Variants in ABCB9 observed in about 807,000 individuals in gnomAD.
ABCB9 encodes ABC-type oligopeptide transporter ABCB9.
Under a neutral mutation model 62.0 loss-of-function variants are expected in ABCB9, and 36 were observed. The observed-to-expected ratio is 0.58, with a 90% CI of 0.45 to 0.77. The LOEUF (loss-of-function observed/expected upper bound fraction) is 0.77, where lower values mean the gene tolerates loss of function less well. Among genes scored for constraint, ABCB9 ranks in the 30% least tolerant of loss-of-function variants. The probability of loss-of-function intolerance (pLI) is 0.00; values close to 1 mark genes in which losing one functional copy is unlikely to be tolerated. For synonymous variants in ABCB9, 435 were observed against 461.4 expected (o/e 0.94, Z 0.73); for missense variants, 943 against 1,054.7 (o/e 0.89, Z 1.47).
At chr12:122,950,904 G>T (rs759890368) in intron 2 of ABCB9, 28 of 229,918 alleles carry the variant, frequency 1.2e-4, no homozygotes, top group Non-Finnish European at 1.9e-4. Context: ...GAGTGCAGTG[G>T]TGTAATCATA....
In ABCB9 at chr12:122,937,128, C is replaced by T. The variant is rs1468489226; in HGVS notation, c.1744-1697G>A. Reference sequence around the variant, plus strand: ...CTCCCAGCATTTTGGGAGGCCAAGGCGGGTGGATCACTTGAGGTCAGGAGT... The same window carrying T: ...CTCCCAGCATTTTGGGAGGCCAAGGTGGGTGGATCACTTGAGGTCAGGAGT... On this transcript the variant is annotated intron_variant, in intron 9 of 11. Transcript: ENST00000280560. Among the ~76,000 whole-genome samples, 4 of 151,738 alleles carry T rather than the reference C, an allele frequency of 2.6e-5. No homozygotes were observed. In the South Asian group the frequency reaches 8.3e-4, roughly 32 times the overall value.
downstream of ABCB9, among the ~76,000 whole-genome samples, chr12:122,925,946 A>G (rs578108105): frequency 5.9e-5 from 9 of 152,342 alleles, no homozygotes; most frequent in East Asian, 1.7e-3. Context: ...ATGCCACAAC[A>G]TGGTTGGACC....
intron 1 of ABCB9, 78 bp from the exon 2 acceptor site, chr12:122,960,400 C>T (rs965797582): frequency 5.6e-5 from 52 of 932,776 alleles, no homozygotes; most frequent in Non-Finnish European, 7.2e-5. Context: ...GAGAAAGTCA[C>T]TTGACATCTC....
chr12:122,939,876 G>T, intron 9 of ABCB9: 1 of 531,102 alleles, frequency 1.9e-6, no homozygotes, highest in Non-Finnish European at 3.2e-6. Context: ...ATGTTGTCCA[G>T]GCTGGCCTCA....
Position 122,932,405 on chromosome 12 carries a change from C to A in ABCB9, c.1904-77G>T. 1 of 1,481,272 alleles carries A rather than the reference C, an allele frequency of 6.8e-7. No homozygotes were observed. The highest frequency in any genetic ancestry group is 9.0e-7 in the Non-Finnish European group (1 of 1,110,382). The allele number at this position is 1,481,272 out of a possible 1,614,324, so 91.8% of individuals were successfully genotyped here. A position where few individuals can be genotyped will look rare whatever the true frequency, so the allele number is the denominator to read the frequency against. ...ACCGGGGAAGAGTGAGAGGCCCTGCCCTGCAGCTGTGGAAAGGGCGGGCTG... is the reference window on the plus strand; with the variant it reads ...ACCGGGGAAGAGTGAGAGGCCCTGCACTGCAGCTGTGGAAAGGGCGGGCTG... On this transcript the variant is annotated intron_variant, in intron 10 of 11. Coordinates refer to ENST00000280560, the MANE Select transcript of ABCB9 (RefSeq NM_019625.4). The surrounding 1 kb of genome is among the most constrained non-coding windows in gnomAD (Gnocchi z 4.7).
rs1280879206 is a variant in ABCB9 at position 122,932,144 on chromosome 12, A to C, written c.2040+48T>G. 5.8e-6 allele frequency: 9 copies of C among 1,550,122 alleles called. No individual in the cohort carries two copies. In the Admixed American group the frequency reaches 1.2e-4, roughly 20 times the overall value. ...CTGCTGGGCGATGGGGGCTCTGGCC[A>C]CCTGGAGCCGCTCCTGCCCCCGCAT... On this transcript the variant is annotated intron_variant, in intron 11 of 11. Coordinates refer to ENST00000280560, the MANE Select transcript of ABCB9 (RefSeq NM_019625.4). The surrounding 1 kb of genome is among the most constrained non-coding windows in gnomAD (Gnocchi z 4.7).
chr12:122,935,220 C>T, intron 10 of ABCB9, 52 bp downstream of exon 10: 3 of 1,538,862 alleles, frequency 1.9e-6, no homozygotes, highest in Non-Finnish European at 2.6e-6. Flanking sequence ...AGGGTTATGT[C>T]CCTGAGGGTG....
intron 9 of ABCB9, 84 bp from the exon 10 acceptor site, chr12:122,935,515 G>C: frequency 2.0e-6 from 3 of 1,496,262 alleles, no homozygotes; most frequent in Non-Finnish European, 2.7e-6. Flanking sequence ...CTGGGGCCTG[G>C]AGACACCAGC....
chr12:122,933,318 A>G (rs2035289294), intron 10 of ABCB9, among the ~76,000 whole-genome samples: 1 of 152,294 alleles, frequency 6.6e-6, no homozygotes, highest in African/African-American at 2.4e-5. Context: ...TGGGAGGCCA[A>G]CCAAGGTGGG....
intron 5 of ABCB9, among the ~76,000 whole-genome samples, chr12:122,946,804 G>A (rs1366155308): frequency 6.6e-6 from 1 of 152,242 alleles, no homozygotes; most frequent in East Asian, 1.9e-4. Flanking sequence ...CTGAAAAGTG[G>A]TCCCAAGTGT....
Position 122,959,380 on chromosome 12 carries a change from T to C in ABCB9, c.601+255A>G, listed in dbSNP as rs2036770509. 6.6e-6 allele frequency among the ~76,000 whole-genome samples: 1 copy of C among 151,660 alleles called. No homozygotes were observed. On this transcript the variant is annotated intron_variant, in intron 2 of 11. Coordinates refer to ENST00000280560, the MANE Select transcript of ABCB9 (RefSeq NM_019625.4). This position sits in a 1 kb window ranked among gnomAD's most constrained non-coding sequence, Gnocchi z 5.4. ...AAAATAAATAAATACAATAAATAAA[T>C]AAATAAATAAAATAGAAATGGGTTC... is the stretch of plus-strand genomic sequence containing the variant.
chr12:122,930,164 T>C lies in ABCB9; in HGVS notation c.2048A>G (p.Gln683Arg). Residue 683 changes from glutamine (Q) to arginine (R), a missense_variant, in exon 12 of 12, where the codon CAG (glutamine) becomes CGG (arginine). Coordinates refer to ENST00000280560, the MANE Select transcript of ABCB9 (RefSeq NM_019625.4). This position sits in a 1 kb window ranked among gnomAD's most constrained non-coding sequence, Gnocchi z 4.9. Reference sequence around the variant, plus strand: ...CTTCTGCAGGTTGCCATGGATGGCCTGCTGGATCTGCGGGGACAGTGGGGG... The same window carrying C: ...CTTCTGCAGGTTGCCATGGATGGCCCGCTGGATCTGCGGGGACAGTGGGGG... ...LDAESEYLIQ[Q>R]AIHGNLQKHT... The C allele has an allele frequency of 1.9e-6, 3 of 1,546,562 alleles. No homozygotes were observed. The highest frequency in any genetic ancestry group is 2.6e-6 in the Non-Finnish European group (3 of 1,143,592).
chr12:122,960,136 G>A lies in ABCB9; in HGVS notation c.100C>T (p.Leu34Phe). ...TTGAAGTGGCGGATGTCCTCCAGGA[G>A]GCTGCGGTCCAGGTGGCTGAAGACA... ...IYVFSHLDRS[L>F]LEDIRHFNIF... Residue 34 changes from leucine to phenylalanine, a missense_variant, in exon 2 of 12, where the codon CTC becomes TTC. Coordinates refer to ENST00000280560, the MANE Select transcript of ABCB9 (RefSeq NM_019625.4). 1 of 1,613,766 alleles carries A rather than the reference G, an allele frequency of 6.2e-7. No homozygotes were observed. Among genetic ancestry groups the A allele is most frequent in the Non-Finnish European group, 8.5e-7 (1 of 1,180,048 alleles).
At position 122,940,245 on chromosome 12, in the gene ABCB9, G is replaced by C. The variant is rs2035684503; in HGVS notation, c.1609C>G (p.Leu537Val). ...TTCCCACTGCCCGAGGGCCCCACCA[G>C]GGCCGTCACCTTGCCGGGGGACAGG... ...FSLSPGKVTA[L>V]VGPSGSGKSS... The change falls in exon 9 of 12, where the codon CTG becomes GTG. Residue 537 changes from leucine (L) to valine (V), a missense_variant. Transcript: ENST00000280560. The surrounding 1 kb of genome is among the most constrained non-coding windows in gnomAD (Gnocchi z 4.8). The C allele has an allele frequency of 8.1e-6, 13 of 1,609,516 alleles. No homozygotes were observed. The highest frequency in any genetic ancestry group is 1.1e-5 in the Non-Finnish European group (13 of 1,177,320).
chr12:122,948,550 C>T, intron 5 of ABCB9, 74 bp downstream of exon 5: 3 of 1,411,518 alleles, frequency 2.1e-6, no homozygotes, highest in Non-Finnish European at 2.8e-6. Context: ...TTAGTGGCCC[C>T]CTGAGCCCCT....
downstream of ABCB9, chr12:122,924,925 G>A (rs1429114494): frequency 2.6e-6 from 3 of 1,147,232 alleles, no homozygotes; most frequent in Non-Finnish European, 3.7e-6. Flanking sequence ...ATTTTATATT[G>A]TTTGTTTTTG....
At chr12:122,924,824 AAGG>A, downstream of ABCB9, 4 of 1,534,696 alleles carry the variant, frequency 2.6e-6, no homozygotes, top group Non-Finnish European at 3.5e-6. Context: ...TGTGGGACAG[AAGG>A]AGGACAGTGA....
At chr12:122,973,138 C>A (rs2037299978) in intron 1 of ABCB9, 2 of 152,282 alleles carry the variant, frequency 1.3e-5, no homozygotes, top group Non-Finnish European at 2.9e-5. Context: ...CTGCTCCCTT[C>A]GGTGACTGAG....
At chr12:122,974,026 A>T (rs1223342075) in intron 1 of ABCB9, among the ~76,000 whole-genome samples, 1 of 152,156 alleles carries the variant, frequency 6.6e-6, no homozygotes, top group African/African-American at 2.4e-5. Flanking sequence ...GCCTGGGTGA[A>T]ACTCTATCTC....
Sources: gnomAD v4.1 joint callset for allele counts (sites outside exome capture counted in the v4.1 genomes callset) on GRCh38, gnomAD v4.1.1 for gene constraint, Gnocchi (gnomAD v3.1) non-coding constraint, MANE v1.5 for transcripts, NCBI Gene and HGNC (gene_info 2026-07-23, HGNC 2026-07-21) for gene names.